ROR2: variants seen among roughly 807,000 people sequenced by gnomAD.
The protein encoded by ROR2 is ROR family WNT receptor 2.
ROR2 carries 33 observed loss-of-function variants against 74.9 expected under a neutral mutation model. The observed-to-expected ratio is 0.44, with a 90% CI of 0.33 to 0.59. The LOEUF is 0.59. Ranked by LOEUF, ROR2 falls within the 20% of genes least tolerant of loss-of-function variation. The probability of loss-of-function intolerance (pLI) is 0.02; values close to 1 mark genes in which losing one functional copy is unlikely to be tolerated. For synonymous variants in ROR2, 586 were observed against 558.7 expected, an observed-to-expected ratio of 1.05 and a Z score of -0.69; for missense variants, 1,216 against 1,313.8, an observed-to-expected ratio of 0.93 and a Z score of 1.15.
At position 91,948,940 on chromosome 9, in the gene ROR2, C is replaced by T. The variant is rs933596931; in HGVS notation, c.97+927G>A. The T allele has an allele frequency of 4.3e-5, 42 of 984,470 alleles. No homozygotes were observed. The African/African-American group carries it at 6.1e-4, about 14-fold the overall frequency. The allele number at this position is 984,470 out of a possible 1,614,324, so 61.0% of individuals were successfully genotyped here. A position where few individuals can be genotyped will look rare whatever the true frequency, so the allele number is the denominator to read the frequency against. The stretch of plus-strand genomic sequence containing the variant: ...ACCGCCAGAGCTAACGCCGCCTCCT[C>T]CAGGCAACCTAGGCAGGTCCCAAGC... On this transcript the variant is annotated intron_variant, in intron 1 of 8. Transcript: ENST00000375708.
At chr9:91,926,851 G>T (rs1331329704) in intron 1 of ROR2, among the ~76,000 whole-genome samples, 1 of 152,152 alleles carries the variant, frequency 6.6e-6, no homozygotes, top group African/African-American at 2.4e-5. Flanking sequence ...GGGGAATAAA[G>T]AGGTAGTGTT....
At chr9:91,738,766 A>C (rs1186922711) in intron 4 of ROR2, among the ~76,000 whole-genome samples, 1 of 152,226 alleles carries the variant, frequency 6.6e-6, no homozygotes, top group African/African-American at 2.4e-5. Context: ...ACTGCATGTC[A>C]CAGGCGTAGG....
intron 1 of ROR2, among the ~76,000 whole-genome samples, chr9:91,831,476 C>A (rs957655145): frequency 1.3e-5 from 2 of 151,888 alleles, no homozygotes; most frequent in Non-Finnish European, 2.9e-5. Context: ...CATTCCCCTG[C>A]AAAAAAGCAA....
At position 91,758,551 on chromosome 9, in the gene ROR2, C is replaced by T. The variant is rs561444099; in HGVS notation, c.176-992G>A. Among the ~76,000 whole-genome samples, 4 of 152,320 alleles carry T rather than the reference C, an allele frequency of 2.6e-5. No homozygotes were observed. In the South Asian group the frequency reaches 6.2e-4, roughly 24 times the overall value. On this transcript the variant is annotated intron_variant, in intron 2 of 8. Coordinates refer to ENST00000375708, the MANE Select transcript of ROR2 (RefSeq NM_004560.4). The stretch of plus-strand genomic sequence containing the variant: ...GAGCTGAAGGCTTTGTCCTGCTGCA[C>T]CCAGGTCCAGAGCAGACAGAAGCAG...
At chr9:91,776,751 C>T (rs1564269142) in intron 1 of ROR2, among the ~76,000 whole-genome samples, 1 of 152,194 alleles carries the variant, frequency 6.6e-6, no homozygotes, top group African/African-American at 2.4e-5. Flanking sequence ...GCACATTACA[C>T]ACACCATCAC....
intron 4 of ROR2, among the ~76,000 whole-genome samples, chr9:91,740,092 T>C (rs1825167981): frequency 6.6e-6 from 1 of 152,316 alleles, no homozygotes; most frequent in African/African-American, 2.4e-5. Context: ...GAGAAGGTTG[T>C]TCCCCCTGTT....
chr9:91,813,426 G>C (rs934662949), intron 1 of ROR2, among the ~76,000 whole-genome samples: 1 of 152,132 alleles, frequency 6.6e-6, no homozygotes, highest in Non-Finnish European at 1.5e-5. Flanking sequence ...GATTGTTTGG[G>C]GCTGGCGCGT....
chr9:91,795,321 TAAG>T (rs1278562055), intron 1 of ROR2, among the ~76,000 whole-genome samples: 7 of 152,200 alleles, frequency 4.6e-5, no homozygotes, highest in Admixed American at 1.3e-4. Context: ...ATTTCTACAA[TAAG>T]AAGAACGAGA....
chr9:91,910,792 T>G (rs1172444636), intron 1 of ROR2, among the ~76,000 whole-genome samples: 1 of 152,224 alleles, frequency 6.6e-6, no homozygotes, highest in East Asian at 1.9e-4. Context: ...GCCTCCTAAG[T>G]AGCTGAGATT....
chr9:91,773,908 G>A (rs1243741076), intron 2 of ROR2, among the ~76,000 whole-genome samples: 1 of 147,154 alleles, frequency 6.8e-6, no homozygotes, highest in African/African-American at 2.4e-5. Flanking sequence ...CTTCCTTTAG[G>A]CCACTTGGCC....
At chr9:91,761,144 G>A (rs1166114141) in intron 2 of ROR2, among the ~76,000 whole-genome samples, 3 of 152,094 alleles carry the variant, frequency 2.0e-5, no homozygotes, top group African/African-American at 7.2e-5. Flanking sequence ...TCCTTCTAGA[G>A]GCTCTGTGTG....
intron 1 of ROR2, among the ~76,000 whole-genome samples, chr9:91,850,376 G>A (rs1196566578): frequency 2.0e-5 from 3 of 152,112 alleles, no homozygotes; most frequent in Non-Finnish European, 4.4e-5. Context: ...GACTTTGTGG[G>A]TGTGATTAAA....
At position 91,935,704 on chromosome 9, in the gene ROR2, C is replaced by G. The variant is rs139548492; in HGVS notation, c.97+14163G>C. Among the ~76,000 whole-genome samples, 118 of 152,324 alleles carry G rather than the reference C, an allele frequency of 7.7e-4. 2 individuals are homozygous for G. The East Asian group carries it at 0.019, about 25-fold the overall frequency. ...CTGTCTTTCTACCAGCACCCACCCCCGGAGAGCTGCCTCATCTGCTCTGAC... is the reference window on the plus strand; with the variant it reads ...CTGTCTTTCTACCAGCACCCACCCCGGGAGAGCTGCCTCATCTGCTCTGAC... On this transcript the variant is annotated intron_variant, in intron 1 of 8. Coordinates refer to ENST00000375708, the MANE Select transcript of ROR2 (RefSeq NM_004560.4).
chr9:91,777,695 C>T (rs181052632), intron 1 of ROR2, among the ~76,000 whole-genome samples: 1 of 152,272 alleles, frequency 6.6e-6, no homozygotes, highest in Admixed American at 6.5e-5. Flanking sequence ...GTCATCCCCC[C>T]GCCAACTCTA....
At chr9:91,769,424 T>C (rs948703284) in intron 2 of ROR2, among the ~76,000 whole-genome samples, 1 of 152,124 alleles carries the variant, frequency 6.6e-6, no homozygotes, top group Non-Finnish European at 1.5e-5. Context: ...CTTAAGCATA[T>C]CAGCACCTTC....
intron 1 of ROR2, among the ~76,000 whole-genome samples, chr9:91,788,150 C>T (rs1371903992): frequency 1.3e-5 from 2 of 150,700 alleles, no homozygotes; most frequent in African/African-American, 4.9e-5. Flanking sequence ...GAAGGCAGGT[C>T]AATAGAGATT....
At chr9:91,819,723 T>C (rs1170002513) in intron 1 of ROR2, among the ~76,000 whole-genome samples, 3 of 152,114 alleles carry the variant, frequency 2.0e-5, no homozygotes, top group African/African-American at 7.2e-5. Context: ...GTGTGTCTTT[T>C]GAGTATGTAT....
chr9:91,833,180 C>T (rs1303126646), intron 1 of ROR2, among the ~76,000 whole-genome samples: 1 of 152,182 alleles, frequency 6.6e-6, no homozygotes, highest in Admixed American at 6.5e-5. Flanking sequence ...ACCACGACAC[C>T]AACCCACAGA....
At chr9:91,833,367 T>C (rs924120928) in intron 1 of ROR2, among the ~76,000 whole-genome samples, 7 of 152,164 alleles carry the variant, frequency 4.6e-5, no homozygotes, top group Non-Finnish European at 1.5e-5. Flanking sequence ...CCGAGTGCAC[T>C]GTGCCTGTAT....
Sources: allele counts gnomAD v4.1 joint callset (sites outside exome capture counted in the v4.1 genomes callset), GRCh38; gene constraint gnomAD v4.1.1; transcripts MANE v1.5; gene names NCBI Gene and HGNC (gene_info 2026-07-23, HGNC 2026-07-21).